Variants in GRM7 observed in about 807,000 individuals in gnomAD.
GRM7 encodes the protein glutamate metabotropic receptor 7.
In GRM7, 35 loss-of-function variants were observed where a neutral mutation model predicts 84.5. That is an observed-to-expected ratio of 0.41 (90% CI 0.32 to 0.55). The LOEUF (loss-of-function observed/expected upper bound fraction) is 0.55. Among genes scored for constraint, GRM7 ranks in the 20% least tolerant of loss-of-function variants. The pLI is 0.19. For synonymous variants in GRM7, 487 were observed against 455.1 expected (o/e 1.07, Z -0.89); for missense variants, 1,003 against 1,194.6 (o/e 0.84, Z 2.36).
rs146050372 is a variant in GRM7 at position 7,709,949 on chromosome 3, G to T, written c.2698+29654G>T. The stretch of plus-strand genomic sequence containing the variant: ...CACATTAGGCGCCCTCCTGACCCAA[G>T]CTCCCTTTTTTCCTGTGACTTGTGG... On this transcript the variant is annotated intron_variant, in intron 9 of 9. Transcript: ENST00000357716. Among the ~76,000 whole-genome samples, 547 of 152,224 alleles carry T rather than the reference G, an allele frequency of 3.6e-3. 4 individuals carry two copies. The highest frequency in any genetic ancestry group is 0.012 in the African/African-American group (519 of 41,532).
At chr3:7,380,485 T>A (rs1300676549) in intron 4 of GRM7, among the ~76,000 whole-genome samples, 2 of 152,210 alleles carry the variant, frequency 1.3e-5, no homozygotes, top group East Asian at 1.9e-4. Flanking sequence ...AGTGCATCAT[T>A]GGTTGATTCT....
At chr3:7,376,153 C>T (rs948019651) in intron 4 of GRM7, among the ~76,000 whole-genome samples, 7 of 152,152 alleles carry the variant, frequency 4.6e-5, no homozygotes, top group African/African-American at 1.7e-4. Flanking sequence ...GTGTCTGCAT[C>T]ATGCTGACCA....
intron 2 of GRM7, among the ~76,000 whole-genome samples, chr3:7,253,788 G>A (rs1698097195): frequency 6.6e-6 from 1 of 152,084 alleles, no homozygotes; most frequent in East Asian, 1.9e-4. Context: ...ATGCAAGCAG[G>A]TAGACTGCAG....
intron 1 of GRM7, among the ~76,000 whole-genome samples, chr3:7,072,664 G>C (rs918538063): frequency 2.4e-4 from 37 of 152,094 alleles, no homozygotes; most frequent in African/African-American, 8.7e-4. Context: ...TCCACACTGT[G>C]AGACAGACTG....
chr3:7,536,030 G>C (rs1701228881), intron 7 of GRM7, among the ~76,000 whole-genome samples: 1 of 152,066 alleles, frequency 6.6e-6, no homozygotes, highest in Non-Finnish European at 1.5e-5. Context: ...CCTCTAATAG[G>C]GCTTCTTGGG....
intron 1 of GRM7, among the ~76,000 whole-genome samples, chr3:7,129,215 T>C (rs1021806040): frequency 1.3e-5 from 2 of 152,200 alleles, no homozygotes; most frequent in African/African-American, 2.4e-5. Flanking sequence ...ACAATTGATA[T>C]CCTACTAGAG....
intron 4 of GRM7, among the ~76,000 whole-genome samples, chr3:7,332,756 G>A (rs974264483): frequency 2.0e-5 from 3 of 152,132 alleles, no homozygotes; most frequent in Non-Finnish European, 4.4e-5. Context: ...GAAAGAAACA[G>A]CTTACTGCTG....
chr3:7,045,246 C>A (rs1328371300), intron 1 of GRM7, among the ~76,000 whole-genome samples: 1 of 152,166 alleles, frequency 6.6e-6, no homozygotes, highest in Non-Finnish European at 1.5e-5. Flanking sequence ...GTTTGGCAGA[C>A]AGCCTTCCAT....
chr3:7,563,260 G>T (rs928101027), intron 7 of GRM7, among the ~76,000 whole-genome samples: 9 of 152,096 alleles, frequency 5.9e-5, no homozygotes, highest in African/African-American at 9.7e-5. Context: ...GATACAGAAG[G>T]CTCAAGCGCA....
At chr3:7,314,893 T>C (rs1419239017) in intron 4 of GRM7, among the ~76,000 whole-genome samples, 1 of 152,142 alleles carries the variant, frequency 6.6e-6, no homozygotes, top group African/African-American at 2.4e-5. Flanking sequence ...GCTCTAGAAA[T>C]AGGATTTTCC....
chr3:7,407,337 C>G (rs1203294361), intron 4 of GRM7, among the ~76,000 whole-genome samples: 1 of 152,148 alleles, frequency 6.6e-6, no homozygotes, highest in Non-Finnish European at 1.5e-5. Context: ...ATGTTTCATT[C>G]TACTGACCTT....
intron 5 of GRM7, among the ~76,000 whole-genome samples, chr3:7,421,565 T>G (rs1198214184): frequency 3.3e-5 from 5 of 151,980 alleles, no homozygotes; most frequent in Non-Finnish European, 7.4e-5. Flanking sequence ...ACTTGAAAAT[T>G]ATTTGTGAGG....
At chr3:7,296,173 C>T (rs1181390038) in intron 2 of GRM7, among the ~76,000 whole-genome samples, 2 of 151,812 alleles carry the variant, frequency 1.3e-5, no homozygotes, top group East Asian at 1.9e-4. Context: ...TTTAGTCTGA[C>T]AATATGTAAA....
chr3:7,577,810 G>T (rs992498933), intron 7 of GRM7, among the ~76,000 whole-genome samples: 1 of 152,170 alleles, frequency 6.6e-6, no homozygotes, highest in Non-Finnish European at 1.5e-5. Context: ...TCTCCCCTGT[G>T]ATAGTAGATT....
At chr3:7,395,268 G>C (rs548047177) in intron 4 of GRM7, among the ~76,000 whole-genome samples, 12 of 152,200 alleles carry the variant, frequency 7.9e-5, no homozygotes, top group South Asian at 4.2e-4. Context: ...ATGTATCTAT[G>C]ATGATGTATC....
At chr3:6,878,659 T>A (rs1695402392) in intron 1 of GRM7, among the ~76,000 whole-genome samples, 1 of 152,110 alleles carries the variant, frequency 6.6e-6, no homozygotes, top group Non-Finnish European at 1.5e-5. Flanking sequence ...CTCTCAAACA[T>A]CAATGTGCTG....
intron 9 of GRM7, among the ~76,000 whole-genome samples, chr3:7,708,666 G>C (rs1701479605): frequency 6.6e-6 from 1 of 152,096 alleles, no homozygotes; most frequent in Non-Finnish European, 1.5e-5. Flanking sequence ...GGGACAGAAA[G>C]AGTTTGAAGG....
rs146368746 is a variant in GRM7 at position 7,058,899 on chromosome 3, A to G, written c.520-87553A>G. Among the ~76,000 whole-genome samples, 438 of 152,038 alleles carry G rather than the reference A, an allele frequency of 2.9e-3. 2 individuals are homozygous for G. The highest frequency in any genetic ancestry group is 0.017 in the Middle Eastern group (5 of 294). On this transcript the variant is annotated intron_variant, in intron 1 of 9. Transcript: ENST00000357716. Reference sequence around the variant, plus strand: ...GAAGTAACTTGTAGAATGCTAAGAAAGGTAAAAACATCTTCAAATAAGGAA... The same window carrying G: ...GAAGTAACTTGTAGAATGCTAAGAAGGGTAAAAACATCTTCAAATAAGGAA...
chr3:7,352,261 A>G (rs1001966041), intron 4 of GRM7, among the ~76,000 whole-genome samples: 3 of 152,136 alleles, frequency 2.0e-5, no homozygotes, highest in African/African-American at 7.2e-5. Context: ...AGATACACAG[A>G]ACAAATGCAT....
Sources: allele counts gnomAD v4.1 joint callset (sites outside exome capture counted in the v4.1 genomes callset), GRCh38; gene constraint gnomAD v4.1.1; transcripts MANE v1.5; gene names NCBI Gene and HGNC (gene_info 2026-07-23, HGNC 2026-07-21).